The following RAB33A variants were observed in gnomAD, a reference collection of about 807,000 sequenced individuals.
RAB33A encodes the protein RAB33A, member RAS oncogene family, also known as ras-related protein Rab-33A.
In RAB33A, 6 loss-of-function variants were observed where a neutral mutation model predicts 12.0. The ratio of observed to expected loss-of-function variants is 0.50; its 90% confidence interval spans 0.27 to 0.99. The LOEUF (loss-of-function observed/expected upper bound fraction) is 0.99, where lower values mean the gene tolerates loss of function less well. Among genes scored for constraint, RAB33A ranks in the 50% least tolerant of loss-of-function variants. The pLI is 0.11. For synonymous variants in RAB33A, 70 were observed against 82.4 expected (o/e 0.85, Z 0.81); for missense variants, 109 against 192.0 (o/e 0.57, Z 2.55).
the RAB33A span, chrX:130,138,503 C>T: frequency 1.5e-6 from 1 of 664,760 alleles, no homozygotes; most frequent in African/African-American, 2.1e-5. Context: ...TAAACTCTTC[C>T]TACTGATCCT....
chrX:130,161,547 A>G, the RAB33A span, among the ~76,000 whole-genome samples: 1 of 107,761 alleles, frequency 9.3e-6, no homozygotes, highest in Non-Finnish European at 1.9e-5. Flanking sequence ...GGACAAGCCT[A>G]GATAGTCTGT....
the RAB33A span, among the ~76,000 whole-genome samples, chrX:130,117,339 C>G: frequency 8.9e-6 from 1 of 112,740 alleles, no homozygotes; most frequent in Non-Finnish European, 1.9e-5. Context: ...CTCAGGAGGG[C>G]TGGCTGCCTG....
chrX:130,123,580 T>C, the RAB33A span, among the ~76,000 whole-genome samples: 34 of 107,949 alleles, frequency 3.1e-4, no homozygotes, highest in African/African-American at 1.1e-3. Flanking sequence ...ACCTGTAATC[T>C]CAGCTATTCG....
the RAB33A span, among the ~76,000 whole-genome samples, chrX:130,150,977 C>CAAAAAAAAAAAAAAAAAAAA: frequency 3.6e-5 from 1 of 27,815 alleles, no homozygotes; most frequent in African/African-American, 1.8e-4. Context: ...GACTCTGTCT[C>CAAAAAAAAAAAAAAAAAAAA]AAAAAAAAAA....
At chrX:130,115,479 G>C in the RAB33A span, among the ~76,000 whole-genome samples, 5 of 111,357 alleles carry the variant, frequency 4.5e-5, no homozygotes, top group Non-Finnish European at 9.4e-5. Context: ...TGGGCGTGGT[G>C]GTGGGCGCCT....
the RAB33A span, among the ~76,000 whole-genome samples, chrX:130,151,839 G>A: frequency 9.0e-6 from 1 of 111,169 alleles, no homozygotes; most frequent in East Asian, 2.8e-4. Flanking sequence ...CCAGGAGTTC[G>A]AGACTAGCCT....
At chrX:130,181,925 C>T (rs916589021) in intron 1 of RAB33A, among the ~76,000 whole-genome samples, 41 of 109,059 alleles carry the variant, frequency 3.8e-4, no homozygotes, top group African/African-American at 1.2e-3. Flanking sequence ...CCAGCCTGGG[C>T]GACAGAACAA....
chrX:130,172,162 A>T lies in RAB33A; in HGVS notation c.100A>T (p.Ile34Phe). The T allele has an allele frequency of 2.5e-6, 3 of 1,212,100 alleles. No individual in the cohort carries two copies. Among genetic ancestry groups the T allele is most frequent in the Non-Finnish European group, 3.4e-6 (3 of 895,510 alleles). ...CTCGTCGCTGGACCAGTACGTGCAG[A>T]TTCGCATCTTCAAAATAATCGTGAT... Reference protein sequence around the residue: ...LDSSLDQYVQIRIFKIIVIGD... With the variant: ...LDSSLDQYVQFRIFKIIVIGD... Residue 34 changes from isoleucine (I) to phenylalanine (F), a missense_variant, in exon 1 of 2, where the codon ATT (isoleucine) becomes TTT (phenylalanine). Physicochemically the swap from Ile to Phe is conservative, Grantham distance 21. Transcript: ENST00000257017.
chrX:130,180,540 C>T (rs899242759), intron 1 of RAB33A, among the ~76,000 whole-genome samples: 4 of 111,059 alleles, frequency 3.6e-5, no homozygotes, highest in Admixed American at 9.5e-5. Context: ...CTGCAAGCTC[C>T]GTCTTCCGGG....
the RAB33A span, among the ~76,000 whole-genome samples, chrX:130,113,868 T>C: frequency 2.7e-5 from 3 of 112,406 alleles, no homozygotes; most frequent in South Asian, 1.1e-3. Flanking sequence ...ACTTTTCTTA[T>C]TTTTAAATTG....
the RAB33A span, among the ~76,000 whole-genome samples, chrX:130,113,865 T>C: frequency 1.0e-3 from 115 of 112,487 alleles, no homozygotes; most frequent in African/African-American, 3.3e-3. Flanking sequence ...CTCACTTTTC[T>C]TATTTTTAAA....
chrX:130,129,625 T>C, the RAB33A span: 1 of 1,208,301 alleles, frequency 8.3e-7, no homozygotes, highest in Admixed American at 2.2e-5. Context: ...CCGTCCTTAA[T>C]GATCTGAGGG....
chrX:130,170,403 A>G (rs1213867077), upstream of RAB33A, among the ~76,000 whole-genome samples: 2 of 112,695 alleles, frequency 1.8e-5, no homozygotes, highest in African/African-American at 6.4e-5. Context: ...GGCATTAGCA[A>G]TAACTCACGA....
the RAB33A span, among the ~76,000 whole-genome samples, chrX:130,157,832 G>A: frequency 4.6e-5 from 5 of 109,047 alleles, no homozygotes; most frequent in African/African-American, 1.7e-4. Context: ...GGGCATGCTT[G>A]TAGTCCCAGC....
the RAB33A span, among the ~76,000 whole-genome samples, chrX:130,116,265 G>A: frequency 9.3e-6 from 1 of 108,021 alleles, no homozygotes. Context: ...GATTACAGAC[G>A]CCTGCCACCA....
At chrX:130,157,044 C>T in the RAB33A span, among the ~76,000 whole-genome samples, 1 of 111,663 alleles carries the variant, frequency 9.0e-6, no homozygotes, top group African/African-American at 3.3e-5. Flanking sequence ...AAACGCAACA[C>T]TCTAACCAGG....
intron 1 of RAB33A, among the ~76,000 whole-genome samples, chrX:130,183,605 C>A (rs759307246): frequency 9.0e-6 from 1 of 111,269 alleles, no homozygotes; most frequent in Non-Finnish European, 1.9e-5. Flanking sequence ...AGAATTTTGA[C>A]CACATCCCTA....
upstream of RAB33A, among the ~76,000 whole-genome samples, chrX:130,170,384 G>C (rs150929099): frequency 1.9e-3 from 212 of 112,540 alleles, no homozygotes; most frequent in African/African-American, 6.5e-3. Flanking sequence ...TTGAATCCCT[G>C]ACCTTGATGG....
chrX:130,149,572 C>A, the RAB33A span: 2 of 1,160,459 alleles, frequency 1.7e-6, no homozygotes, highest in South Asian at 1.8e-5. Flanking sequence ...TGTAGGCCTG[C>A]GGATCCAAAC....
Sources: gnomAD v4.1 joint callset for allele counts (sites outside exome capture counted in the v4.1 genomes callset) on GRCh38, gnomAD v4.1.1 for gene constraint, MANE v1.5 for transcripts, NCBI Gene and HGNC (gene_info 2026-07-23, HGNC 2026-07-21) for gene names.